Variants in GABRA4 observed in about 807,000 individuals in gnomAD.
GABRA4 encodes gamma-aminobutyric acid type A receptor subunit alpha4.
GABRA4 carries 12 observed loss-of-function variants against 49.7 expected under a neutral mutation model. The ratio of observed to expected loss-of-function variants is 0.24; its 90% CI spans 0.15 to 0.39. The LOEUF (loss-of-function observed/expected upper bound fraction) is 0.39. Ranked by LOEUF, GABRA4 falls within the 10% of genes least tolerant of loss-of-function variation. The pLI, the probability that GABRA4 is intolerant of heterozygous loss-of-function variation, is 1.00. For synonymous variants in GABRA4, 288 were observed against 240.2 expected, an observed-to-expected ratio of 1.20 and a Z score of -1.84; for missense variants, 506 against 686.0, an observed-to-expected ratio of 0.74 and a Z score of 2.93.
At chr4:46,933,791 G>C (rs1053249554) in intron 8 of GABRA4, among the ~76,000 whole-genome samples, 11 of 152,096 alleles carry the variant, frequency 7.2e-5, no homozygotes, top group Non-Finnish European at 1.5e-4. Flanking sequence ...TTTCGAACAA[G>C]AAAAAGCACC....
At position 46,932,493 on chromosome 4, in the gene GABRA4, C is replaced by G. The variant is rs907749414; in HGVS notation, c.1135-3738G>C. ...TAGTATAATGTTAAGAAAAATTATACAAGACTTGGACATCAGAAAAAAATA... is the reference window on the plus strand; with the variant it reads ...TAGTATAATGTTAAGAAAAATTATAGAAGACTTGGACATCAGAAAAAAATA... On this transcript the variant is annotated intron_variant, in intron 8 of 8. Transcript: ENST00000264318. Among the ~76,000 whole-genome samples, 7 of 152,130 alleles carry G rather than the reference C, an allele frequency of 4.6e-5. No individual in the cohort carries two copies. The East Asian group carries it at 9.7e-4, about 21-fold the overall frequency.
intron 2 of GABRA4, 99 bp downstream of exon 2, chr4:46,992,729 C>T: frequency 1.1e-6 from 1 of 872,654 alleles, no homozygotes. Flanking sequence ...TTTATTTTTG[C>T]ACGTGAGGCA....
In GABRA4 at chr4:46,928,324, G is replaced by T; in HGVS notation, c.1566C>A (p.Ala522=). ...CAAATGTGACTGGAAAGAGAATACG[G>T]GCATATTTGTCTATTTTACTTGTGC... ...GSGTSKIDKY[A]RILFPVTFGA... The change falls in exon 9 of 9, where the codon GCC becomes GCA. Residue 522 remains alanine (A), a synonymous_variant. Coordinates refer to ENST00000264318, the MANE Select transcript of GABRA4 (RefSeq NM_000809.4). The T allele has an allele frequency of 6.2e-7, 1 of 1,613,472 alleles. No homozygotes were observed.
chr4:46,942,520 G>A (rs531434662), intron 8 of GABRA4, among the ~76,000 whole-genome samples: 2 of 151,912 alleles, frequency 1.3e-5, no homozygotes, highest in African/African-American at 4.8e-5. Flanking sequence ...AGCTACTTGG[G>A]AGGCTGAGGC....
intron 8 of GABRA4, among the ~76,000 whole-genome samples, chr4:46,958,706 C>T (rs1253470503): frequency 2.6e-5 from 4 of 151,862 alleles, no homozygotes; most frequent in African/African-American, 4.8e-5. Context: ...TTAGATTCCA[C>T]CAATTGGACT....
chr4:46,931,037 C>T (rs1721415466), intron 8 of GABRA4, among the ~76,000 whole-genome samples: 1 of 151,844 alleles, frequency 6.6e-6, no homozygotes, highest in African/African-American at 2.4e-5. Context: ...GTTCACAGGA[C>T]AAAGTACCAG....
In GABRA4 at chr4:46,927,179, T is replaced by G. The variant is rs1313065495; in HGVS notation, c.*1046A>C. On this transcript the variant is annotated 3_prime_UTR_variant, in exon 9 of 9. Coordinates refer to ENST00000264318, the MANE Select transcript of GABRA4 (RefSeq NM_000809.4). ...AGTCTTATATTGCCCTGATTTTTAC[T>G]TTCAAGTACATAATGCTTTTCACTT... The G allele has an allele frequency of 6.6e-6, 1 of 152,276 alleles. No individual in the cohort carries two copies. The highest frequency in any genetic ancestry group is 1.5e-5 in the Non-Finnish European group (1 of 67,940). 9.4% of individuals were successfully genotyped at this position (152,276 alleles called of 1,614,324 possible).
intron 8 of GABRA4, among the ~76,000 whole-genome samples, chr4:46,961,156 C>T (rs1370896908): frequency 6.6e-6 from 1 of 151,828 alleles, no homozygotes; most frequent in East Asian, 1.9e-4. Flanking sequence ...AAAATATAAA[C>T]TATCTAAACT....
chr4:46,934,284 G>T (rs760003286), intron 8 of GABRA4, among the ~76,000 whole-genome samples: 1 of 152,138 alleles, frequency 6.6e-6, no homozygotes, highest in Non-Finnish European at 1.5e-5. Flanking sequence ...GACTTCATGG[G>T]TAAGCCACAC....
Position 46,978,896 on chromosome 4 carries a change from C to G in GABRA4, c.273+135G>C, listed in dbSNP as rs1723249633. 4.4e-6 allele frequency: 3 copies of G among 679,284 alleles called. No individual in the cohort carries two copies. The Admixed American group carries it at 7.8e-5, about 18-fold the overall frequency. 42.1% of individuals were successfully genotyped at this position (679,284 alleles called of 1,614,324 possible). A position where few individuals can be genotyped will look rare whatever the true frequency, so the allele number is the denominator to read the frequency against. On this transcript the variant is annotated intron_variant, in intron 3 of 8. Coordinates refer to ENST00000264318, the MANE Select transcript of GABRA4 (RefSeq NM_000809.4). The stretch of plus-strand genomic sequence containing the variant: ...GAGATTCAATGTCTTACTCTTCATA[C>G]ATTCTTAAGTTTAATTAGGGATTCT...
chr4:46,986,980 G>A (rs572846062), intron 2 of GABRA4, among the ~76,000 whole-genome samples: 11 of 152,080 alleles, frequency 7.2e-5, no homozygotes, highest in Non-Finnish European at 1.6e-4. Flanking sequence ...TTTCTTGCCT[G>A]GTTTATTATG....
intron 8 of GABRA4, among the ~76,000 whole-genome samples, chr4:46,929,407 GA>G (rs1343704825): frequency 2.0e-5 from 3 of 151,896 alleles, no homozygotes; most frequent in African/African-American, 7.2e-5. Context: ...AATTTAATTA[GA>G]AAAAGGTTGT....
At chr4:46,968,735 G>A (rs1038206771) in intron 7 of GABRA4, among the ~76,000 whole-genome samples, 1 of 151,492 alleles carries the variant, frequency 6.6e-6, no homozygotes, top group Non-Finnish European at 1.5e-5. Context: ...AATGTTGGGT[G>A]AGTACAGCTG....
At position 46,925,527 on chromosome 4, in the gene GABRA4, T is replaced by C. The variant is rs971070610; in HGVS notation, c.*2698A>G. ...AGCCAAAATTATTCATTATTATTCA[T>C]AGATAACCAGAACTTTGGGTGCCCC... On this transcript the variant is annotated 3_prime_UTR_variant, in exon 9 of 9. Transcript: ENST00000264318. 1 of 151,670 alleles carries C rather than the reference T, an allele frequency of 6.6e-6. No individual in the cohort carries two copies. Among genetic ancestry groups the C allele is most frequent in the Non-Finnish European group, 1.5e-5 (1 of 67,780 alleles). 9.4% of individuals were successfully genotyped at this position (151,670 alleles called of 1,614,324 possible). A position where few individuals can be genotyped will look rare whatever the true frequency, so the allele number is the denominator to read the frequency against.
Position 46,925,272 on chromosome 4 carries a change from G to A in GABRA4, c.*2953C>T, listed in dbSNP as rs1423965436. On this transcript the variant is annotated 3_prime_UTR_variant, in exon 9 of 9. Transcript: ENST00000264318. ...ACCTACTTTAATACAAGATTTGTGA[G>A]GTCCAATTTAAAATATACATTATTC... 1 of 151,808 alleles carries A rather than the reference G, an allele frequency of 6.6e-6. No homozygotes were observed. The highest frequency in any genetic ancestry group is 6.6e-5 in the Admixed American group (1 of 15,220). The allele number at this position is 151,808 out of a possible 1,614,324, so 9.4% of individuals were successfully genotyped here. A position where few individuals can be genotyped will look rare whatever the true frequency, so the allele number is the denominator to read the frequency against.
At chr4:46,966,040 G>A (rs2109377314) in intron 7 of GABRA4, among the ~76,000 whole-genome samples, 1 of 150,112 alleles carries the variant, frequency 6.7e-6, no homozygotes, top group South Asian at 2.1e-4. Flanking sequence ...TCCTTAGCTT[G>A]GAAAAAATGT....
chr4:46,986,049 C>T (rs1723523789), intron 2 of GABRA4, among the ~76,000 whole-genome samples: 1 of 151,984 alleles, frequency 6.6e-6, no homozygotes, highest in Non-Finnish European at 1.5e-5. Context: ...TCAACGGTAC[C>T]TCTGATTCTT....
intron 8 of GABRA4, among the ~76,000 whole-genome samples, chr4:46,957,727 G>A (rs1722416207): frequency 6.6e-6 from 1 of 151,844 alleles, no homozygotes; most frequent in Non-Finnish European, 1.5e-5. Context: ...CAGTCATTAA[G>A]TCTTGAAGCT....
At chr4:46,969,766 A>G (rs1722885952) in intron 7 of GABRA4, among the ~76,000 whole-genome samples, 1 of 151,360 alleles carries the variant, frequency 6.6e-6, no homozygotes, top group South Asian at 2.1e-4. Context: ...TTGGGTTTAA[A>G]CCTAGACTTG....
Sources: gnomAD v4.1 joint callset for allele counts (sites outside exome capture counted in the v4.1 genomes callset) on GRCh38, gnomAD v4.1.1 for gene constraint, MANE v1.5 for transcripts, NCBI Gene and HGNC (gene_info 2026-07-23, HGNC 2026-07-21) for gene names.